The following NFIB variants were observed in gnomAD, a reference collection of about 807,000 sequenced individuals.
NFIB encodes the protein nuclear factor 1 B-type.
In NFIB, 11 loss-of-function variants were observed where a neutral mutation model predicts 61.5. The ratio of observed to expected loss-of-function variants is 0.18; its 90% CI spans 0.11 to 0.30. The LOEUF is 0.30. Among genes scored for constraint, NFIB ranks in the 10% least tolerant of loss-of-function variants. The probability of loss-of-function intolerance (pLI) is 1.00; values close to 1 mark genes in which losing one functional copy is unlikely to be tolerated. For synonymous variants in NFIB, 260 were observed against 216.5 expected (o/e 1.20, Z -1.76); for missense variants, 471 against 608.9 (o/e 0.77, Z 2.38).
intron 6 of NFIB, among the ~76,000 whole-genome samples, chr9:14,142,790 T>C (rs572789050): frequency 1.0e-3 from 155 of 152,112 alleles, no homozygotes; most frequent in African/African-American, 3.5e-3. Context: ...AAAAGCAATA[T>C]CCAAAAAAGA....
chr9:14,449,085 G>T, the NFIB span, among the ~76,000 whole-genome samples: 1 of 152,148 alleles, frequency 6.6e-6, no homozygotes, highest in Admixed American at 6.5e-5. Flanking sequence ...GATGCAATTT[G>T]ATGCAATTTA....
At chr9:14,233,220 C>T (rs910099526) in intron 2 of NFIB, among the ~76,000 whole-genome samples, 1 of 152,032 alleles carries the variant, frequency 6.6e-6, no homozygotes, top group Non-Finnish European at 1.5e-5. Flanking sequence ...CAAATATTGC[C>T]TTAAATATTT....
the NFIB span, among the ~76,000 whole-genome samples, chr9:14,485,996 G>A: frequency 6.6e-6 from 1 of 152,192 alleles, no homozygotes; most frequent in Non-Finnish European, 1.5e-5. Flanking sequence ...AGTGCTATAA[G>A]TAGAGGAAGG....
intron 8 of NFIB, among the ~76,000 whole-genome samples, chr9:14,118,641 A>T (rs1011388776): frequency 6.6e-6 from 1 of 152,130 alleles, no homozygotes; most frequent in Non-Finnish European, 1.5e-5. Context: ...TTCATACTGT[A>T]GATAGAAAAG....
At chr9:14,162,492 G>C (rs569121790) in intron 3 of NFIB, among the ~76,000 whole-genome samples, 1 of 151,980 alleles carries the variant, frequency 6.6e-6, no homozygotes, top group East Asian at 1.9e-4. Flanking sequence ...GGTTGGCTCA[G>C]TTTCTTCTAA....
intron 2 of NFIB, among the ~76,000 whole-genome samples, chr9:14,292,917 CA>C (rs945197275): frequency 1.3e-5 from 2 of 151,584 alleles, no homozygotes; most frequent in East Asian, 1.9e-4. Context: ...TCTTAATAAA[CA>C]AAAAAAATTA....
the NFIB span, among the ~76,000 whole-genome samples, chr9:14,461,646 A>G: frequency 1.3e-5 from 2 of 152,188 alleles, no homozygotes; most frequent in Non-Finnish European, 2.9e-5. Flanking sequence ...TCGGCACCCC[A>G]TTCTATCATC....
the NFIB span, among the ~76,000 whole-genome samples, chr9:14,525,975 T>C: frequency 6.6e-6 from 1 of 152,096 alleles, no homozygotes; most frequent in Non-Finnish European, 1.5e-5. Context: ...ATTCACCAGG[T>C]GCCTCGCCGA....
chr9:14,400,328 T>C (rs978039179), upstream of NFIB, among the ~76,000 whole-genome samples: 1 of 152,206 alleles, frequency 6.6e-6, no homozygotes, highest in African/African-American at 2.4e-5. Flanking sequence ...TTTGCTGAAG[T>C]ACTTGCAAGC....
intron 2 of NFIB, among the ~76,000 whole-genome samples, chr9:14,236,779 T>A (rs1377225186): frequency 6.6e-6 from 1 of 152,176 alleles, no homozygotes; most frequent in Non-Finnish European, 1.5e-5. Flanking sequence ...AACTTCAGTT[T>A]TGGAAGAGAA....
chr9:14,531,143 C>G, the NFIB span, among the ~76,000 whole-genome samples: 3 of 152,104 alleles, frequency 2.0e-5, no homozygotes, highest in African/African-American at 7.2e-5. Flanking sequence ...TACCTCTCAT[C>G]CCAGCACTCT....
chr9:14,107,335 A>C (rs483669), intron 10 of NFIB, among the ~76,000 whole-genome samples: 26,469 of 151,772 alleles, frequency 0.17, 2,353 homozygotes, highest in South Asian at 0.24. Flanking sequence ...AACAAACAAA[A>C]AAAAAAGATA....
At chr9:14,172,186 A>G (rs912561471) in intron 3 of NFIB, among the ~76,000 whole-genome samples, 4 of 152,252 alleles carry the variant, frequency 2.6e-5, no homozygotes, top group African/African-American at 4.8e-5. Context: ...TTCAGGGGAA[A>G]TCAAGATGAG....
intron 1 of NFIB, among the ~76,000 whole-genome samples, chr9:14,325,859 T>C (rs2060746104): frequency 6.6e-6 from 1 of 152,162 alleles, no homozygotes; most frequent in African/African-American, 2.4e-5. Context: ...ATACATAATG[T>C]ATTTTTGAAT....
chr9:14,118,487 G>C (rs1376101337), intron 8 of NFIB, among the ~76,000 whole-genome samples: 1 of 152,088 alleles, frequency 6.6e-6, no homozygotes, highest in Non-Finnish European at 1.5e-5. Context: ...GACAAAGAAA[G>C]AATTCCCAAG....
chr9:14,474,151 TG>T, the NFIB span, among the ~76,000 whole-genome samples: 1 of 152,190 alleles, frequency 6.6e-6, no homozygotes, highest in Non-Finnish European at 1.5e-5. Flanking sequence ...ATTGTTCAGG[TG>T]GCTTTAATAG....
At chr9:14,279,633 T>C (rs1259373797) in intron 2 of NFIB, among the ~76,000 whole-genome samples, 1 of 152,180 alleles carries the variant, frequency 6.6e-6, no homozygotes, top group Non-Finnish European at 1.5e-5. Context: ...CCTAAGATAT[T>C]TTCCAGGATG....
At chr9:14,386,654 G>C (rs2061552813) in intron 1 of NFIB, among the ~76,000 whole-genome samples, 1 of 152,136 alleles carries the variant, frequency 6.6e-6, no homozygotes, top group South Asian at 2.1e-4. Context: ...TAAGCCAGTG[G>C]AATCTCTTTA....
At chr9:14,196,967 C>G (rs2048539455) in intron 2 of NFIB, among the ~76,000 whole-genome samples, 1 of 152,130 alleles carries the variant, frequency 6.6e-6, no homozygotes, top group South Asian at 2.1e-4. Flanking sequence ...TCCAATCAAT[C>G]AAGAATGTGC....
Sources: gnomAD v4.1 joint callset for allele counts (sites outside exome capture counted in the v4.1 genomes callset) on GRCh38, gnomAD v4.1.1 for gene constraint, MANE v1.5 for transcripts, NCBI Gene and HGNC (gene_info 2026-07-23, HGNC 2026-07-21) for gene names.